LOC400499: variants seen among roughly 807,000 people sequenced by gnomAD.
the LOC400499 span, among the ~76,000 whole-genome samples, chr16:11,411,052 GGCCCA>G: frequency 1.3e-5 from 2 of 152,246 alleles, no homozygotes; most frequent in African/African-American, 4.8e-5. Context: ...CACGGGGGCT[GGCCCA>G]GGAATGTAAA....
chr16:11,494,577 TG>T, the LOC400499 span: 1 of 353,824 alleles, frequency 2.8e-6, no homozygotes, highest in East Asian at 4.0e-5. Context: ...GTCCTCACCT[TG>T]TCATCATCCG....
the LOC400499 span, among the ~76,000 whole-genome samples, chr16:11,454,484 G>GAC: frequency 1.3e-3 from 197 of 152,138 alleles, 2 homozygotes; most frequent in African/African-American, 4.5e-3. Context: ...TCTGGACACA[G>GAC]ACACACACAC....
the LOC400499 span, among the ~76,000 whole-genome samples, chr16:11,484,482 C>T: frequency 1.3e-5 from 2 of 152,100 alleles, no homozygotes. Flanking sequence ...ATAAATCTCA[C>T]TTTTAAAAAG....
the LOC400499 span, among the ~76,000 whole-genome samples, chr16:11,511,605 T>C: frequency 1.3e-5 from 2 of 152,266 alleles, no homozygotes; most frequent in Non-Finnish European, 2.9e-5. Context: ...GCACACTTTA[T>C]GACCCCATTT....
the LOC400499 span, among the ~76,000 whole-genome samples, chr16:11,445,462 G>T: frequency 6.6e-6 from 1 of 152,106 alleles, no homozygotes; most frequent in Admixed American, 6.6e-5. Flanking sequence ...GCATCGCTAG[G>T]GTAAGCACGG....
chr16:11,469,088 T>C, the LOC400499 span: 15 of 398,612 alleles, frequency 3.8e-5, no homozygotes, highest in East Asian at 4.6e-4. Flanking sequence ...GTGGTGGCAA[T>C]AGTTAACAGG....
the LOC400499 span, among the ~76,000 whole-genome samples, chr16:11,480,213 G>A: frequency 1.3e-5 from 2 of 152,226 alleles, no homozygotes; most frequent in African/African-American, 4.8e-5. Context: ...CAGGATGTGA[G>A]TCTCTAGGAA....
chr16:11,421,670 T>C, the LOC400499 span, among the ~76,000 whole-genome samples: 2 of 152,170 alleles, frequency 1.3e-5, no homozygotes, highest in Admixed American at 1.3e-4. Flanking sequence ...TCCCAAAGTA[T>C]TGGGATATAC....
At chr16:11,486,410 AGATGGATG>A in the LOC400499 span, among the ~76,000 whole-genome samples, 671 of 82,970 alleles carry the variant, frequency 8.1e-3, 4 homozygotes, top group Middle Eastern at 0.017. Context: ...TTGAGTGAAT[AGATGGATG>A]GATGGATGGA....
the LOC400499 span, among the ~76,000 whole-genome samples, chr16:11,461,322 C>T: frequency 2.0e-5 from 3 of 152,180 alleles, no homozygotes; most frequent in African/African-American, 7.2e-5. Flanking sequence ...CAGGCTCAAT[C>T]GATCTTCCCA....
chr16:11,517,646 C>A, the LOC400499 span, among the ~76,000 whole-genome samples: 1 of 152,268 alleles, frequency 6.6e-6, no homozygotes, highest in Non-Finnish European at 1.5e-5. Context: ...GGTCCCGAGA[C>A]GGGGGCCTTC....
the LOC400499 span, among the ~76,000 whole-genome samples, chr16:11,439,112 C>A: frequency 2.0e-5 from 3 of 152,144 alleles, no homozygotes; most frequent in Non-Finnish European, 4.4e-5. Flanking sequence ...AGGGCTCCCA[C>A]CTGGATGTCT....
the LOC400499 span, chr16:11,459,954 C>T: frequency 1.9e-5 from 29 of 1,511,556 alleles, no homozygotes; most frequent in Middle Eastern, 6.8e-4. Context: ...CTGGCTGACA[C>T]GGAGATGCCT....
the LOC400499 span, among the ~76,000 whole-genome samples, chr16:11,419,095 G>A: frequency 9.4e-5 from 14 of 149,356 alleles, no homozygotes; most frequent in African/African-American, 3.2e-4. Context: ...GAGCCCAGGG[G>A]GCGGAGCTTG....
chr16:11,384,926 G>C, the LOC400499 span: 1 of 1,232,196 alleles, frequency 8.1e-7, no homozygotes, highest in East Asian at 3.2e-5. Context: ...GCAGAGGCCG[G>C]TGGGCACGTC....
the LOC400499 span, among the ~76,000 whole-genome samples, chr16:11,410,429 G>C: frequency 2.0e-3 from 297 of 152,288 alleles, 1 homozygote; most frequent in African/African-American, 6.7e-3. Flanking sequence ...ACTCCAGCCT[G>C]GGTGACAAAG....
chr16:11,435,695 C>T, the LOC400499 span: 8 of 399,120 alleles, frequency 2.0e-5, no homozygotes, highest in Admixed American at 4.4e-5. Flanking sequence ...CAGCTGCAGC[C>T]GAACAGCCCT....
the LOC400499 span, chr16:11,461,076 G>A: frequency 6.5e-7 from 1 of 1,536,026 alleles, no homozygotes; most frequent in Non-Finnish European, 8.7e-7. Context: ...CGGCACCCAG[G>A]GCGGCCACCC....
the LOC400499 span, chr16:11,430,992 G>T: frequency 2.5e-6 from 1 of 398,928 alleles, no homozygotes; most frequent in Admixed American, 4.4e-5. Flanking sequence ...CAGTTCCAAA[G>T]AAAGTGCTTG....
Sources: allele counts gnomAD v4.1 joint callset (sites outside exome capture counted in the v4.1 genomes callset), GRCh38; gene constraint gnomAD v4.1.1; transcripts MANE v1.5.